The following DCC variants were observed in gnomAD, a reference collection of about 807,000 sequenced individuals.
The protein encoded by DCC is DCC netrin 1 receptor.
In DCC, 58 loss-of-function variants were observed where a neutral mutation model predicts 172.5. The ratio of observed to expected loss-of-function variants is 0.34; its 90% CI spans 0.27 to 0.42. DCC has a LOEUF of 0.42. Among genes scored for constraint, DCC ranks in the 10% least tolerant of loss-of-function variants. DCC has a pLI of 1.00. For synonymous variants in DCC, 709 were observed against 644.5 expected, an observed-to-expected ratio of 1.10 and a Z score of -1.52; for missense variants, 1,740 against 1,791.0, an observed-to-expected ratio of 0.97 and a Z score of 0.51.
chr18:53,205,170 T>C (rs554941474), intron 9 of DCC, 46 bp from the exon 10 acceptor site: 11 of 1,527,138 alleles, frequency 7.2e-6, no homozygotes, highest in Non-Finnish European at 1.0e-5. Context: ...AAAAACCCAC[T>C]TATCCTAATC....
intron 15 of DCC, among the ~76,000 whole-genome samples, chr18:53,369,461 A>G (rs1387218970): frequency 2.0e-5 from 3 of 151,850 alleles, no homozygotes; most frequent in Non-Finnish European, 4.4e-5. Flanking sequence ...TTTCCAGTTC[A>G]GAATCCTTCT....
At chr18:52,732,597 A>G (rs187580578) in intron 1 of DCC, among the ~76,000 whole-genome samples, 2 of 152,276 alleles carry the variant, frequency 1.3e-5, no homozygotes, top group East Asian at 3.9e-4. Context: ...TTGGTCCATA[A>G]AGCTAAAAAT....
intron 9 of DCC, among the ~76,000 whole-genome samples, chr18:53,191,448 A>G (rs72923222): frequency 0.051 from 6,606 of 130,692 alleles, 295 homozygotes; most frequent in Admixed American, 0.15. Context: ...ATTTTTGCCA[A>G]TCTTCTTAAA....
Position 53,165,418 on chromosome 18 carries a change from C to T in DCC, c.1418+7906C>T, listed in dbSNP as rs992124480. 7.9e-5 allele frequency among the ~76,000 whole-genome samples: 12 copies of T among 152,274 alleles called. No homozygotes were observed. In the East Asian group the frequency reaches 2.3e-3, roughly 29 times the overall value. ...GGTGTTTACATATTCTTTCCCCGCTCTTCAGAGTTGAGGACTCTGCAGCTG... is the reference window on the plus strand; with the variant it reads ...GGTGTTTACATATTCTTTCCCCGCTTTTCAGAGTTGAGGACTCTGCAGCTG... On this transcript the variant is annotated intron_variant, in intron 8 of 28. Transcript: ENST00000442544.
chr18:53,515,478 G>T lies in DCC; in HGVS notation c.4112-11139G>T, dbSNP rs1272560160. On this transcript the variant is annotated intron_variant, in intron 27 of 28. Coordinates refer to ENST00000442544, the MANE Select transcript of DCC (RefSeq NM_005215.4). ...ATTAGGCAGGAGAAGGAAATAAAGG[G>T]TATTCAATTAGGAAAAGAGGAAGTC... 2.7e-5 allele frequency among the ~76,000 whole-genome samples: 4 copies of T among 149,632 alleles called. No individual in the cohort carries two copies. The South Asian group carries it at 8.8e-4, about 33-fold the overall frequency.
At chr18:53,084,232 G>C (rs1381119901) in intron 7 of DCC, among the ~76,000 whole-genome samples, 1 of 152,114 alleles carries the variant, frequency 6.6e-6, no homozygotes, top group Non-Finnish European at 1.5e-5. Context: ...GTTTCTTCCT[G>C]TTCTTGCAAA....
intron 2 of DCC, among the ~76,000 whole-genome samples, chr18:52,824,702 G>T (rs1463849938): frequency 6.6e-6 from 1 of 152,092 alleles, no homozygotes; most frequent in African/African-American, 2.4e-5. Context: ...CAGGCATTGT[G>T]GTTCACTCCT....
intron 1 of DCC, among the ~76,000 whole-genome samples, chr18:52,701,654 G>A (rs2036124572): frequency 6.6e-6 from 1 of 152,262 alleles, no homozygotes; most frequent in African/African-American, 2.4e-5. Context: ...AATGGTTGCT[G>A]TTCATGCTTC....
chr18:53,231,562 A>G (rs551760985), intron 12 of DCC, among the ~76,000 whole-genome samples: 30 of 152,176 alleles, frequency 2.0e-4, no homozygotes, highest in African/African-American at 6.7e-4. Flanking sequence ...GAGTTTGAGG[A>G]GGCTGTTTTT....
intron 1 of DCC, among the ~76,000 whole-genome samples, chr18:52,504,150 G>A (rs2031134868): frequency 6.6e-6 from 1 of 152,084 alleles, no homozygotes; most frequent in African/African-American, 2.4e-5. Context: ...GGGGAGGGGG[G>A]CTGGTACGGG....
chr18:52,527,755 G>A (rs967761621), intron 1 of DCC, among the ~76,000 whole-genome samples: 9 of 152,090 alleles, frequency 5.9e-5, no homozygotes, highest in Non-Finnish European at 1.0e-4. Context: ...GATTAATTTT[G>A]TTCTATTTGT....
chr18:52,772,378 A>G (rs192966555), intron 2 of DCC, among the ~76,000 whole-genome samples: 1 of 152,328 alleles, frequency 6.6e-6, no homozygotes, highest in African/African-American at 2.4e-5. Context: ...GCCTTATTAA[A>G]TGCATCTCTA....
chr18:53,496,701 T>G (rs2046028043), intron 26 of DCC, among the ~76,000 whole-genome samples: 1 of 152,176 alleles, frequency 6.6e-6, no homozygotes, highest in African/African-American at 2.4e-5. Context: ...GCAAGGAAGC[T>G]CTAACCCAAT....
At chr18:52,844,279 A>G (rs2038850555) in intron 2 of DCC, among the ~76,000 whole-genome samples, 1 of 151,016 alleles carries the variant, frequency 6.6e-6, no homozygotes, top group South Asian at 2.1e-4. Context: ...GTGTCTGTTA[A>G]GAAGGATGAT....
chr18:53,297,070 A>T (rs954633000), intron 12 of DCC, among the ~76,000 whole-genome samples: 2 of 152,192 alleles, frequency 1.3e-5, no homozygotes, highest in Non-Finnish European at 2.9e-5. Context: ...TGGAGTTAAA[A>T]ATATGATAAG....
intron 17 of DCC, among the ~76,000 whole-genome samples, chr18:53,394,839 A>T (rs1308598198): frequency 6.6e-6 from 1 of 152,160 alleles, no homozygotes; most frequent in Non-Finnish European, 1.5e-5. Context: ...TCCATTTTAC[A>T]CACAAGAAAA....
chr18:53,090,150 A>G (rs765086945), intron 7 of DCC, among the ~76,000 whole-genome samples: 1 of 152,200 alleles, frequency 6.6e-6, no homozygotes, highest in Non-Finnish European at 1.5e-5. Context: ...ACTTACTTGC[A>G]TTGTCGCTTG....
At chr18:52,559,110 G>C (rs1208578656) in intron 1 of DCC, among the ~76,000 whole-genome samples, 2 of 148,916 alleles carry the variant, frequency 1.3e-5, no homozygotes, top group Non-Finnish European at 2.9e-5. Flanking sequence ...TTTTTGTTTT[G>C]TTTTGTTTTG....
intron 2 of DCC, among the ~76,000 whole-genome samples, chr18:52,790,798 AC>A (rs2037749255): frequency 6.6e-6 from 1 of 152,074 alleles, no homozygotes; most frequent in Non-Finnish European, 1.5e-5. Flanking sequence ...CCTGTTTTTC[AC>A]CTACAGTTGG....
Sources: gnomAD v4.1 joint callset for allele counts (sites outside exome capture counted in the v4.1 genomes callset) on GRCh38, gnomAD v4.1.1 for gene constraint, MANE v1.5 for transcripts, NCBI Gene and HGNC (gene_info 2026-07-23, HGNC 2026-07-21) for gene names.